The following ZNF600 variants were observed in gnomAD, a reference collection of about 807,000 sequenced individuals.
ZNF600 encodes zinc finger protein KR-ZNF1.
In ZNF600, 4 loss-of-function variants were observed where a neutral mutation model predicts 7.3. The observed-to-expected ratio is 0.55, with a 90% confidence interval of 0.27 to 1.25. The LOEUF is 1.25. Ranked by LOEUF, ZNF600 falls within the 50% of genes most tolerant of loss-of-function variation. ZNF600 has a pLI of 0.12. For missense variants in ZNF600, 911 were observed against 922.1 expected (o/e 0.99, Z 0.16); for synonymous variants, 290 against 308.9 (o/e 0.94, Z 0.64).
chr19:52,772,839 T>A (rs111242577), intron 3 of ZNF600, among the ~76,000 whole-genome samples: 12,637 of 146,456 alleles, frequency 0.086, 1,666 homozygotes, highest in African/African-American at 0.29. Context: ...GGAGAACAGA[T>A]AGAAGTACAT....
At chr19:52,784,241 C>G (rs11669678) in intron 1 of ZNF600, among the ~76,000 whole-genome samples, 50 of 141,486 alleles carry the variant, frequency 3.5e-4, no homozygotes, top group African/African-American at 1.1e-3. Context: ...AACAAACAAA[C>G]AAAGAAAAAA....
the ZNF600 span, among the ~76,000 whole-genome samples, chr19:52,833,280 C>T: frequency 3.3e-5 from 5 of 152,176 alleles, no homozygotes; most frequent in Non-Finnish European, 7.3e-5. Context: ...GCACTGACAC[C>T]ATGGGGCCCA....
chr19:52,825,669 A>G, the ZNF600 span, among the ~76,000 whole-genome samples: 8 of 152,122 alleles, frequency 5.3e-5, no homozygotes, highest in East Asian at 1.6e-3. Flanking sequence ...CTCACAAAAC[A>G]TACAAAACAA....
the ZNF600 span, chr19:52,800,337 G>A: frequency 1.9e-6 from 3 of 1,613,662 alleles, no homozygotes; most frequent in African/African-American, 1.3e-5. Context: ...ACTCCGGAAA[G>A]CCTTGTCACA....
At chr19:52,807,822 T>A in the ZNF600 span, 2 of 1,026,428 alleles carry the variant, frequency 1.9e-6, no homozygotes, top group East Asian at 5.2e-5. Flanking sequence ...TCCACTGAGC[T>A]ATCATGAAGA....
the ZNF600 span, among the ~76,000 whole-genome samples, chr19:52,811,192 T>G: frequency 3.3e-5 from 5 of 150,906 alleles, no homozygotes; most frequent in East Asian, 9.7e-4. Context: ...GTTCACTCAG[T>G]GCTCAATGGT....
At chr19:52,809,947 G>C in the ZNF600 span, 1 of 836,116 alleles carries the variant, frequency 1.2e-6, no homozygotes, top group Non-Finnish European at 2.0e-6. Flanking sequence ...GTTGCCCCGG[G>C]GGGCGCAGGG....
chr19:52,820,009 G>C, the ZNF600 span, among the ~76,000 whole-genome samples: 1,647 of 145,226 alleles, frequency 0.011, 35 homozygotes, highest in Non-Finnish European at 0.017. Flanking sequence ...ATTACCTGAG[G>C]TCAGGAGTTT....
At chr19:52,778,227 T>C (rs939686273) in intron 2 of ZNF600, among the ~76,000 whole-genome samples, 18 of 152,060 alleles carry the variant, frequency 1.2e-4, no homozygotes, top group African/African-American at 4.3e-4. Flanking sequence ...TTGGCCAGGC[T>C]GGTCTCGAAC....
At chr19:52,801,680 C>T in the ZNF600 span, 14 of 1,611,500 alleles carry the variant, frequency 8.7e-6, no homozygotes, top group African/African-American at 2.7e-5. Context: ...AGAATGTCTT[C>T]ATCATGCATT....
At chr19:52,815,634 C>T in the ZNF600 span, among the ~76,000 whole-genome samples, 9 of 146,468 alleles carry the variant, frequency 6.1e-5, 1 homozygote, top group Non-Finnish European at 1.5e-5. Context: ...ACCATCCTGG[C>T]TACCACAATG....
chr19:52,797,676 T>C, the ZNF600 span: 1 of 154,788 alleles, frequency 6.5e-6, no homozygotes, highest in Non-Finnish European at 1.5e-5. Flanking sequence ...TACCTTGAAA[T>C]CTACAAACAT....
chr19:52,786,425 C>T (rs2062764191), intron 1 of ZNF600, among the ~76,000 whole-genome samples, 170 bp downstream of exon 1: 1 of 152,112 alleles, frequency 6.6e-6, no homozygotes, highest in Non-Finnish European at 1.5e-5. Context: ...GAATCCACCT[C>T]GCGGGTGAGG....
chr19:52,808,948 CAGATTTTCAAAATATAAA>C, the ZNF600 span, among the ~76,000 whole-genome samples: 3 of 152,022 alleles, frequency 2.0e-5, no homozygotes, highest in African/African-American at 4.8e-5. Context: ...TCATTTGTCC[CAGATTTTCAAAATATAAA>C]AGATTTTCAA....
chr19:52,811,279 A>G, the ZNF600 span, among the ~76,000 whole-genome samples: 2 of 151,362 alleles, frequency 1.3e-5, no homozygotes, highest in East Asian at 3.9e-4. Flanking sequence ...TGGCCTCCCA[A>G]AGAGCCGAGA....
intron 1 of ZNF600, among the ~76,000 whole-genome samples, chr19:52,779,556 C>T (rs556551586): frequency 3.5e-4 from 54 of 152,194 alleles, no homozygotes; most frequent in Non-Finnish European, 6.3e-4. Context: ...GAACAGGCAA[C>T]GTGGACCAGA....
chr19:52,810,914 CCT>C, the ZNF600 span, among the ~76,000 whole-genome samples: 155 of 103,330 alleles, frequency 1.5e-3, 7 homozygotes, highest in African/African-American at 5.9e-3. Flanking sequence ...TCTCCCTCTC[CCT>C]CCACAGTCTC....
chr19:52,787,865 AAAAAAAG>A (rs869200184), upstream of ZNF600, among the ~76,000 whole-genome samples: 122 of 98,622 alleles, frequency 1.2e-3, 1 homozygote, highest in African/African-American at 4.3e-3. Context: ...GTCTCAAAAA[AAAAAAAG>A]AAAAAGAAAA....
the ZNF600 span, among the ~76,000 whole-genome samples, chr19:52,810,896 CCCCTCCCTCT>C: frequency 5.7e-5 from 1 of 17,616 alleles, no homozygotes; most frequent in African/African-American, 2.4e-4. Context: ...CCTCCCCCTC[CCCCTCCCTCT>C]CCCTCTCCCT....
Sources: allele counts gnomAD v4.1 joint callset (sites outside exome capture counted in the v4.1 genomes callset), GRCh38; gene constraint gnomAD v4.1.1; transcripts MANE v1.5; gene names NCBI Gene and HGNC (gene_info 2026-07-23, HGNC 2026-07-21).